Variants in LYPD6 observed in about 807,000 individuals in gnomAD.
LYPD6 encodes the protein ly6/PLAUR domain-containing protein 6.
LYPD6 carries 15 observed loss-of-function variants against 22.7 expected under a neutral mutation model. The observed-to-expected ratio is 0.66, with a 90% CI of 0.44 to 1.02. LYPD6 has a LOEUF of 1.02. LYPD6 is among the 50% of genes least tolerant of loss of function. The pLI is 0.00. For missense variants in LYPD6, 189 were observed against 208.4 expected (o/e 0.91, Z 0.57); for synonymous variants, 72 against 77.5 (o/e 0.93, Z 0.37).
intron 1 of LYPD6, among the ~76,000 whole-genome samples, chr2:149,335,432 T>C (rs1681017018): frequency 6.6e-6 from 1 of 152,236 alleles, no homozygotes; most frequent in South Asian, 2.1e-4. Flanking sequence ...AATAAGTTTG[T>C]ACCATGTGTT....
intron 1 of LYPD6, among the ~76,000 whole-genome samples, chr2:149,433,542 C>T (rs1683363450): frequency 6.6e-6 from 1 of 152,172 alleles, no homozygotes; most frequent in African/African-American, 2.4e-5. Flanking sequence ...TGATTGTTTT[C>T]TCATGAGGCA....
At chr2:149,479,724 CT>C in the LYPD6 span, among the ~76,000 whole-genome samples, 1 of 152,172 alleles carries the variant, frequency 6.6e-6, no homozygotes, top group Admixed American at 6.5e-5. Flanking sequence ...CTGGTCCCAG[CT>C]ATGATCACAT....
chr2:149,334,395 G>A (rs927854599), intron 1 of LYPD6, among the ~76,000 whole-genome samples: 2 of 152,164 alleles, frequency 1.3e-5, no homozygotes, highest in African/African-American at 2.4e-5. Flanking sequence ...GCGTGTAAAT[G>A]AATTCTTTGC....
intron 1 of LYPD6, among the ~76,000 whole-genome samples, chr2:149,403,883 C>T (rs372851402): frequency 6.6e-5 from 10 of 152,078 alleles, no homozygotes; most frequent in African/African-American, 1.9e-4. Context: ...GTTTAAGTCT[C>T]TAATCCATCT....
intron 1 of LYPD6, among the ~76,000 whole-genome samples, chr2:149,384,835 C>T (rs557253579): frequency 1.3e-4 from 20 of 151,592 alleles, no homozygotes; most frequent in Non-Finnish European, 1.9e-4. Context: ...CCCATTAACT[C>T]GTCATTTAGC....
intron 1 of LYPD6, among the ~76,000 whole-genome samples, chr2:149,350,218 C>T (rs1180397981): frequency 1.3e-5 from 2 of 152,154 alleles, no homozygotes; most frequent in African/African-American, 4.8e-5. Flanking sequence ...CCACTTTTTC[C>T]TAGAATCTAT....
chr2:149,424,619 A>C (rs1045582941), intron 1 of LYPD6, among the ~76,000 whole-genome samples: 3 of 152,110 alleles, frequency 2.0e-5, no homozygotes, highest in Non-Finnish European at 4.4e-5. Context: ...TGGTGTGAGG[A>C]GAGGGGATGG....
At chr2:149,482,280 A>G in the LYPD6 span, among the ~76,000 whole-genome samples, 1 of 152,214 alleles carries the variant, frequency 6.6e-6, no homozygotes, top group Admixed American at 6.5e-5. Flanking sequence ...TTACAAACAC[A>G]ATGCCTCCTT....
chr2:149,396,330 T>C (rs1220836146), intron 1 of LYPD6, among the ~76,000 whole-genome samples: 1 of 152,106 alleles, frequency 6.6e-6, no homozygotes. Flanking sequence ...CTTTATATTT[T>C]GTGGAAAGTC....
chr2:149,351,706 T>C (rs1212028333), intron 1 of LYPD6, among the ~76,000 whole-genome samples: 1 of 152,150 alleles, frequency 6.6e-6, no homozygotes, highest in Non-Finnish European at 1.5e-5. Flanking sequence ...AAGAAAGGCA[T>C]AGATAGCACA....
chr2:149,446,283 A>G (rs957914646), intron 2 of LYPD6, among the ~76,000 whole-genome samples: 2 of 152,244 alleles, frequency 1.3e-5, no homozygotes, highest in African/African-American at 4.8e-5. Flanking sequence ...TATTGCAAGC[A>G]TTCCCAAAAT....
chr2:149,408,457 T>C (rs1464323469), intron 1 of LYPD6, among the ~76,000 whole-genome samples: 1 of 152,224 alleles, frequency 6.6e-6, no homozygotes, highest in African/African-American at 2.4e-5. Context: ...TCTAGATCTC[T>C]AGCAAGGCTG....
intron 1 of LYPD6, among the ~76,000 whole-genome samples, chr2:149,422,825 G>A (rs1683109826): frequency 6.6e-6 from 1 of 151,820 alleles, no homozygotes; most frequent in African/African-American, 2.4e-5. Context: ...ACTTTTTTAG[G>A]TCCTACATAT....
At chr2:149,360,483 A>G (rs935283251) in intron 1 of LYPD6, among the ~76,000 whole-genome samples, 4 of 152,142 alleles carry the variant, frequency 2.6e-5, no homozygotes, top group Admixed American at 6.5e-5. Flanking sequence ...TTCAGCATCA[A>G]TTTTGTCTCC....
chr2:149,468,132 AAC>A (rs58309346), intron 3 of LYPD6, among the ~76,000 whole-genome samples: 13,208 of 114,368 alleles, frequency 0.12, 640 homozygotes, highest in Middle Eastern at 0.18. Context: ...GCTTCCCCCC[AAC>A]ACACACACAC....
intron 2 of LYPD6, among the ~76,000 whole-genome samples, chr2:149,446,245 G>C (rs906640253): frequency 6.6e-6 from 1 of 152,178 alleles, no homozygotes; most frequent in Non-Finnish European, 1.5e-5. Flanking sequence ...TCACCATACA[G>C]ATACAAAAGT....
At chr2:149,420,870 C>T (rs998424756) in intron 1 of LYPD6, among the ~76,000 whole-genome samples, 15 of 152,194 alleles carry the variant, frequency 9.9e-5, no homozygotes, top group Middle Eastern at 3.4e-3. Context: ...GAATACATTT[C>T]GGGCTGTTTC....
chr2:149,425,105 T>A (rs80144655), intron 1 of LYPD6, among the ~76,000 whole-genome samples: 1,928 of 152,290 alleles, frequency 0.013, 21 homozygotes, highest in Non-Finnish European at 0.018. Context: ...AAGGAAGGAT[T>A]ATGGATGTCT....
chr2:149,409,814 G>T (rs927256308), intron 1 of LYPD6, among the ~76,000 whole-genome samples: 1 of 152,104 alleles, frequency 6.6e-6, no homozygotes, highest in African/African-American at 2.4e-5. Flanking sequence ...TGAGTAGGAG[G>T]GCTCACTACC....
Sources: allele counts gnomAD v4.1 joint callset (sites outside exome capture counted in the v4.1 genomes callset), GRCh38; gene constraint gnomAD v4.1.1; transcripts MANE v1.5; gene names NCBI Gene and HGNC (gene_info 2026-07-23, HGNC 2026-07-21).